The following WWOX variants were observed in gnomAD, a reference collection of about 807,000 sequenced individuals.
WWOX encodes WW domain containing oxidoreductase, also known as WW domain-containing oxidoreductase.
WWOX carries 69 observed loss-of-function variants against 46.2 expected under a neutral mutation model. That is an observed-to-expected ratio of 1.49 (90% CI 1.23 to 1.82). WWOX has a LOEUF of 1.82. Ranked by LOEUF, WWOX falls within the 40% of genes most tolerant of loss-of-function variation. WWOX has a pLI of 0.00. For synonymous variants in WWOX, 359 were observed against 202.6 expected (o/e 1.77, Z -6.56); for missense variants, 919 against 542.6 (o/e 1.69, Z -6.89).
At chr16:78,855,663 C>G (rs999455719) in intron 8 of WWOX, among the ~76,000 whole-genome samples, 1 of 152,174 alleles carries the variant, frequency 6.6e-6, no homozygotes, top group African/African-American at 2.4e-5. Flanking sequence ...AGTTTCCAGC[C>G]TGTATAGACT....
intron 8 of WWOX, among the ~76,000 whole-genome samples, chr16:78,998,022 A>G (rs551468655): frequency 1.2e-4 from 18 of 152,104 alleles, no homozygotes; most frequent in Non-Finnish European, 2.5e-4. Flanking sequence ...GATTACAGGC[A>G]TGCGCCACCA....
intron 6 of WWOX, among the ~76,000 whole-genome samples, chr16:78,388,327 A>G (rs1315727306): frequency 1.3e-5 from 2 of 152,176 alleles, no homozygotes; most frequent in Non-Finnish European, 1.5e-5. Flanking sequence ...CACTGCGCCC[A>G]GCCGCTCTAC....
chr16:78,599,903 A>G (rs532992607), intron 8 of WWOX, among the ~76,000 whole-genome samples: 1 of 152,236 alleles, frequency 6.6e-6, no homozygotes, highest in African/African-American at 2.4e-5. Context: ...CTAGGACTCA[A>G]AGATGCCGTG....
At chr16:79,194,763 C>G (rs1036459845) in intron 8 of WWOX, among the ~76,000 whole-genome samples, 2 of 152,150 alleles carry the variant, frequency 1.3e-5, no homozygotes, top group African/African-American at 2.4e-5. Context: ...TTCTTGATCA[C>G]TGAGTTAAAT....
intron 6 of WWOX, among the ~76,000 whole-genome samples, chr16:78,405,374 C>T (rs1397133324): frequency 2.6e-5 from 4 of 152,078 alleles, no homozygotes; most frequent in African/African-American, 9.7e-5. Context: ...AATCCATTCC[C>T]AGTTAATTAT....
chr16:78,716,690 A>G (rs138311487), intron 8 of WWOX, among the ~76,000 whole-genome samples: 4 of 151,386 alleles, frequency 2.6e-5, no homozygotes, highest in African/African-American at 7.2e-5. Flanking sequence ...AAGGAGAATC[A>G]TGGGACCACC....
At position 78,171,313 on chromosome 16, in the gene WWOX, A is replaced by C. The variant is rs369090574; in HGVS notation, c.516+7024A>C. On this transcript the variant is annotated intron_variant, in intron 5 of 8. Coordinates refer to ENST00000566780, the MANE Select transcript of WWOX (RefSeq NM_016373.4). ...CTTTTAAAGACTTCTGCAAAACTCC[A>C]CCTACTTTTAGGCTCCTTAAAATTC... Among the ~76,000 whole-genome samples the C allele has an allele frequency of 2.0e-5, 3 of 152,078 alleles. No homozygotes were observed. In the East Asian group the frequency reaches 5.8e-4, roughly 29 times the overall value.
At chr16:78,664,285 C>G (rs1015244975) in intron 8 of WWOX, among the ~76,000 whole-genome samples, 4 of 152,312 alleles carry the variant, frequency 2.6e-5, no homozygotes, top group East Asian at 1.9e-4. Flanking sequence ...GCCCCTAACT[C>G]TTCATGTACA....
intron 5 of WWOX, among the ~76,000 whole-genome samples, chr16:78,352,874 T>A (rs2081212425): frequency 6.6e-6 from 1 of 152,284 alleles, no homozygotes; most frequent in Non-Finnish European, 1.5e-5. Context: ...GAATATTGGC[T>A]GTACAAAGAA....
intron 5 of WWOX, among the ~76,000 whole-genome samples, chr16:78,323,373 G>A (rs934814340): frequency 1.3e-5 from 2 of 152,164 alleles, no homozygotes; most frequent in African/African-American, 2.4e-5. Flanking sequence ...CTAAAGTGCT[G>A]GGATTACAGG....
intron 8 of WWOX, chr16:78,898,935 C>G (rs778206507): frequency 1.3e-5 from 2 of 151,988 alleles, no homozygotes; most frequent in East Asian, 1.9e-4. Flanking sequence ...TATAGAAATA[C>G]AGTTGATTCT....
chr16:79,152,532 G>A (rs1232914758), intron 8 of WWOX, among the ~76,000 whole-genome samples: 8 of 152,062 alleles, frequency 5.3e-5, no homozygotes, highest in South Asian at 4.1e-4. Flanking sequence ...TTAGCTGGGC[G>A]TGGTGGCGTG....
At chr16:78,382,633 C>G (rs988458782) in intron 5 of WWOX, among the ~76,000 whole-genome samples, 1 of 152,190 alleles carries the variant, frequency 6.6e-6, no homozygotes, top group Non-Finnish European at 1.5e-5. Context: ...AGAGCAGGCT[C>G]TGACTGAACG....
intron 4 of WWOX, among the ~76,000 whole-genome samples, chr16:78,128,689 TAATC>T (rs766121472): frequency 3.3e-5 from 5 of 152,268 alleles, no homozygotes; most frequent in East Asian, 1.9e-4. Flanking sequence ...AGAATGAAAA[TAATC>T]AATCTCTTTC....
At chr16:79,117,319 T>C (rs116218292) in intron 8 of WWOX, among the ~76,000 whole-genome samples, 4 of 152,132 alleles carry the variant, frequency 2.6e-5, no homozygotes, top group African/African-American at 9.7e-5. Flanking sequence ...AAGCAGAATA[T>C]TTTTAAAGGA....
At chr16:78,332,052 C>T (rs2080770103) in intron 5 of WWOX, among the ~76,000 whole-genome samples, 1 of 152,284 alleles carries the variant, frequency 6.6e-6, no homozygotes, top group African/African-American at 2.4e-5. Flanking sequence ...AGTCTGATTA[C>T]TGTTTCTCTG....
intron 6 of WWOX, among the ~76,000 whole-genome samples, chr16:78,394,172 G>C (rs942017806): frequency 1.3e-4 from 20 of 151,954 alleles, no homozygotes; most frequent in African/African-American, 4.8e-4. Context: ...TAATGTTTTA[G>C]CCAACATATC....
At chr16:78,533,700 C>G (rs1194314287) in intron 8 of WWOX, among the ~76,000 whole-genome samples, 1 of 152,176 alleles carries the variant, frequency 6.6e-6, no homozygotes. Flanking sequence ...GACCTAACCT[C>G]GATTTGTGCT....
intron 8 of WWOX, among the ~76,000 whole-genome samples, chr16:78,678,685 C>T (rs897485437): frequency 3.9e-5 from 6 of 152,062 alleles, no homozygotes; most frequent in Admixed American, 2.6e-4. Flanking sequence ...AAGATTGGGT[C>T]TGAGATAAAC....
Sources: gnomAD v4.1 joint callset for allele counts (sites outside exome capture counted in the v4.1 genomes callset) on GRCh38, gnomAD v4.1.1 for gene constraint, MANE v1.5 for transcripts, NCBI Gene and HGNC (gene_info 2026-07-23, HGNC 2026-07-21) for gene names.